The following MREG variants were observed in gnomAD, a reference collection of about 807,000 sequenced individuals.
MREG encodes dilute suppressor protein homolog.
Under a neutral mutation model 28.5 loss-of-function variants are expected in MREG, and 31 were observed. That is an observed-to-expected ratio of 1.09 (90% CI 0.82 to 1.47). The LOEUF (loss-of-function observed/expected upper bound fraction) is 1.47, where lower values mean the gene tolerates loss of function less well. MREG is among the 40% of genes most tolerant of loss of function. The pLI is 0.00. For missense variants in MREG, 256 were observed against 257.4 expected, an observed-to-expected ratio of 0.99 and a Z score of 0.04; for synonymous variants, 106 against 95.2, an observed-to-expected ratio of 1.11 and a Z score of -0.66.
chr2:215,949,517 C>T (rs1402219435), intron 2 of MREG, among the ~76,000 whole-genome samples: 9 of 151,248 alleles, frequency 6.0e-5, no homozygotes, highest in Non-Finnish European at 8.8e-5. Context: ...GCCGAGATCA[C>T]GCCTGTGCAC....
chr2:216,019,314 C>T (rs928532146), intron 1 of MREG, among the ~76,000 whole-genome samples: 2 of 152,008 alleles, frequency 1.3e-5, no homozygotes, highest in Non-Finnish European at 2.9e-5. Flanking sequence ...GCGAGCTAAT[C>T]CTGAAAAAAC....
intron 3 of MREG, 71 bp downstream of exon 3, chr2:215,946,952 T>C: frequency 1.5e-5 from 13 of 892,926 alleles, no homozygotes; most frequent in Non-Finnish European, 2.4e-5. Context: ...ATAAAAACCA[T>C]GGTGGAGAAA....
chr2:216,013,317 C>T lies in MREG; in HGVS notation c.11G>A (p.Arg4Lys), dbSNP rs373634278. The T allele has an allele frequency of 6.5e-7, 1 of 1,547,452 alleles. No homozygotes were observed. Among genetic ancestry groups the T allele is most frequent in the Admixed American group, 2.0e-5 (1 of 50,692 alleles). Residue 4 changes from arginine (R) to lysine (K), a missense_variant, in exon 1 of 5, where the codon AGG (arginine) becomes AAG (lysine). By Grantham distance (26) the Arg-to-Lys change is conservative (BLOSUM62 2). Coordinates refer to ENST00000263268, the MANE Select transcript of MREG (RefSeq NM_018000.3). MGL[R>K]DWLRTVCCCC... is the part of the protein sequence containing the mutation. ...GCAGCACACGGTTCTCAGCCAGTCC[C>T]TCAGCCCCATGGAGAGCGAGGGCCC...
At chr2:216,007,858 T>C (rs1694201993) in intron 1 of MREG, among the ~76,000 whole-genome samples, 1 of 152,022 alleles carries the variant, frequency 6.6e-6, no homozygotes, top group East Asian at 1.9e-4. Flanking sequence ...CAACCTGAGA[T>C]ATAGGGTGTT....
rs1175136252 is a variant in MREG, at chr2:215,944,672, G to A, written c.*191C>T. ...TTCCTAAATATGAGATCACCAAGGC[G>A]TTTCAATGCAGCCTGCACAATTCAT... On this transcript the variant is annotated 3_prime_UTR_variant, in exon 5 of 5. Coordinates refer to ENST00000263268, the MANE Select transcript of MREG (RefSeq NM_018000.3). The A allele has an allele frequency of 8.6e-6, 4 of 466,040 alleles. No individual in the cohort carries two copies. The highest frequency in any genetic ancestry group is 1.4e-5 in the Non-Finnish European group (4 of 275,906). The allele number at this position is 466,040 out of a possible 1,614,324, so 28.9% of individuals were successfully genotyped here.
At chr2:216,000,166 A>G (rs1412077463) in intron 1 of MREG, among the ~76,000 whole-genome samples, 1 of 152,238 alleles carries the variant, frequency 6.6e-6, no homozygotes, top group African/African-American at 2.4e-5. Context: ...ATCTAAGGTA[A>G]GAAGGATGGG....
intron 1 of MREG, among the ~76,000 whole-genome samples, chr2:216,010,579 G>A (rs1360712976): frequency 1.1e-4 from 17 of 150,236 alleles, no homozygotes; most frequent in South Asian, 2.1e-4. Flanking sequence ...GGATGGTCTT[G>A]ATCTCCTGAC....
chr2:216,020,611 G>A (rs912230736), intron 1 of MREG, among the ~76,000 whole-genome samples: 6 of 152,262 alleles, frequency 3.9e-5, no homozygotes, highest in African/African-American at 1.4e-4. Flanking sequence ...AGGGCTAAGA[G>A]TGGGAAAGTT....
chr2:216,001,041 CTT>C (rs1259617146), intron 1 of MREG, among the ~76,000 whole-genome samples: 1 of 152,036 alleles, frequency 6.6e-6, no homozygotes, highest in Non-Finnish European at 1.5e-5. Context: ...TTTCCTGTCT[CTT>C]GCTCTCTCTC....
rs754645071 is a variant in MREG, at chr2:215,947,077, G to A, written c.292C>T (p.Arg98Trp). 42 of 1,612,612 alleles carry A rather than the reference G, an allele frequency of 2.6e-5. No individual in the cohort carries two copies. The highest frequency in any genetic ancestry group is 1.1e-4 in the East Asian group (5 of 44,874). Residue 98 changes from arginine (R) to tryptophan (W), a missense_variant, in exon 3 of 5, where the codon CGG becomes TGG. Coordinates refer to ENST00000263268, the MANE Select transcript of MREG (RefSeq NM_018000.3). The stretch of plus-strand genomic sequence containing the variant: ...TTTCTTACTTCCCTTCGAACCTGCC[G>A]CAGGGTATGGATATCATAGTTGAGC... ...QKLNYDIHTL[R>W]QVRREVRNRW...
chr2:215,977,065 A>C (rs1278113512), intron 2 of MREG, among the ~76,000 whole-genome samples: 1 of 152,256 alleles, frequency 6.6e-6, no homozygotes, highest in Non-Finnish European at 1.5e-5. Flanking sequence ...AGATGCCCCA[A>C]CTAAAAGACA....
rs1317972845 is a variant in MREG, at chr2:216,013,419, C to T, written c.-92G>A. On this transcript the variant is annotated 5_prime_UTR_variant, in exon 1 of 5. Coordinates refer to ENST00000263268, the MANE Select transcript of MREG (RefSeq NM_018000.3). ...TGGGGCGCGGCCACCGCGCCAGCGT[C>T]CAGGTGCGGGGACAGCGGCAGCCCG... 1.4e-5 allele frequency: 13 copies of T among 913,384 alleles called. No individual in the cohort carries two copies. Among genetic ancestry groups the T allele is most frequent in the Non-Finnish European group, 1.7e-5 (12 of 689,196 alleles). 56.6% of individuals were successfully genotyped at this position (913,384 alleles called of 1,614,324 possible).
intron 2 of MREG, among the ~76,000 whole-genome samples, chr2:215,953,143 A>C (rs975202453): frequency 6.6e-6 from 1 of 152,238 alleles, no homozygotes; most frequent in Non-Finnish European, 1.5e-5. Flanking sequence ...GGGCATGAAC[A>C]CCGGGGCAGC....
At chr2:215,995,517 C>T (rs1341278504) in intron 2 of MREG, among the ~76,000 whole-genome samples, 4 of 147,564 alleles carry the variant, frequency 2.7e-5, no homozygotes, top group Admixed American at 2.7e-4. Flanking sequence ...CCACCCCCCG[C>T]CACCAATATA....
At chr2:216,008,115 T>G (rs149970998) in intron 1 of MREG, among the ~76,000 whole-genome samples, 5,889 of 151,880 alleles carry the variant, frequency 0.039, 131 homozygotes, top group Non-Finnish European at 0.051. Flanking sequence ...CATAGGGCTA[T>G]GGTGGGGATT....
intron 1 of MREG, among the ~76,000 whole-genome samples, chr2:215,998,317 AAAAAAT>A (rs1221400022): frequency 2.0e-4 from 29 of 146,580 alleles, no homozygotes; most frequent in African/African-American, 7.4e-4. Context: ...CAAAAAAAAA[AAAAAAT>A]AATAATAATA....
At chr2:216,018,261 T>C (rs1378911892), upstream of MREG, among the ~76,000 whole-genome samples, 1 of 152,240 alleles carries the variant, frequency 6.6e-6, no homozygotes, top group Non-Finnish European at 1.5e-5. Context: ...CAGTTATTTG[T>C]TCTACAAAAA....
chr2:216,024,965 AAGG>A (rs1694573809), intron 1 of MREG, among the ~76,000 whole-genome samples: 2 of 148,412 alleles, frequency 1.3e-5, no homozygotes, highest in Admixed American at 1.3e-4. Context: ...AAGGAAAGGA[AAGG>A]AAAGGAAAAA....
intron 2 of MREG, among the ~76,000 whole-genome samples, chr2:215,959,760 C>A (rs954954924): frequency 2.0e-5 from 3 of 152,208 alleles, no homozygotes; most frequent in East Asian, 3.9e-4. Flanking sequence ...CTTGAATGAA[C>A]CTGCATGCCT....
Sources: gnomAD v4.1 joint callset for allele counts (sites outside exome capture counted in the v4.1 genomes callset) on GRCh38, gnomAD v4.1.1 for gene constraint, MANE v1.5 for transcripts, NCBI Gene and HGNC (gene_info 2026-07-23, HGNC 2026-07-21) for gene names.